WDFY3: variants seen among roughly 807,000 people sequenced by gnomAD.
WDFY3 encodes the protein WD repeat and FYVE domain-containing protein 3.
Under a neutral mutation model 409.6 loss-of-function variants are expected in WDFY3, and 66 were observed. The ratio of observed to expected loss-of-function variants is 0.16; its 90% CI spans 0.13 to 0.20. WDFY3 has a LOEUF of 0.20. WDFY3 is among the 10% of genes least tolerant of loss of function. The probability of loss-of-function intolerance (pLI) is 1.00; values close to 1 mark genes in which losing one functional copy is unlikely to be tolerated. For synonymous variants in WDFY3, 1,521 were observed against 1,537.1 expected, an observed-to-expected ratio of 0.99 and a Z score of 0.25; for missense variants, 3,031 against 4,298.1, an observed-to-expected ratio of 0.71 and a Z score of 8.24.
intron 42 of WDFY3, among the ~76,000 whole-genome samples, chr4:84,735,845 T>C (rs2149190279): frequency 6.6e-6 from 1 of 152,318 alleles, no homozygotes; most frequent in South Asian, 2.1e-4. Context: ...AAGGCTTGTT[T>C]GGCTATTGCC....
intron 2 of WDFY3, among the ~76,000 whole-genome samples, chr4:84,918,019 T>C (rs1250251198): frequency 6.6e-6 from 1 of 152,132 alleles, no homozygotes; most frequent in Non-Finnish European, 1.5e-5. Context: ...TTCTTTGCCC[T>C]TCAGATTGGC....
chr4:84,838,282 T>C (rs1054966431), intron 6 of WDFY3, among the ~76,000 whole-genome samples: 26 of 152,224 alleles, frequency 1.7e-4, no homozygotes, highest in Admixed American at 1.7e-3. Flanking sequence ...TGACTTCATT[T>C]GTAAAATGAT....
intron 3 of WDFY3, among the ~76,000 whole-genome samples, chr4:84,891,963 A>G (rs1765013174): frequency 6.6e-6 from 1 of 152,060 alleles, no homozygotes; most frequent in Non-Finnish European, 1.5e-5. Context: ...TGGAAGGTAC[A>G]GCACAGAATA....
intron 53 of WDFY3, among the ~76,000 whole-genome samples, chr4:84,708,551 T>C (rs927920904): frequency 6.6e-5 from 10 of 152,018 alleles, no homozygotes; most frequent in Non-Finnish European, 1.2e-4. Context: ...TTTTTTTCTT[T>C]GTGGAGACAG....
chr4:84,718,574 TA>T lies in WDFY3; in HGVS notation c.7606-5del, dbSNP rs1734337197. On this transcript the variant is annotated splice_region_variant and splice_polypyrimidine_tract_variant and intron_variant, in intron 47 of 67. Transcript: ENST00000295888. ...CACAGCGGTACATGTGTTGGATCTA[TA>T]AAGAAGCCCACAAACATTCATTAAT... 6.2e-7 allele frequency: 1 copy of T among 1,603,000 alleles called. No individual in the cohort carries two copies. Among genetic ancestry groups the T allele is most frequent in the African/African-American group, 1.3e-5 (1 of 74,286 alleles).
chr4:84,962,427 C>G lies in WDFY3; in HGVS notation c.-226+3782G>C, dbSNP rs114037318. Among the ~76,000 whole-genome samples the G allele has an allele frequency of 8.1e-3, 1,227 of 152,092 alleles. 12 individuals carry two copies. The highest frequency in any genetic ancestry group is 0.028 in the African/African-American group (1,151 of 41,472). On this transcript the variant is annotated intron_variant, in intron 1 of 67. Transcript: ENST00000295888. Reference sequence around the variant, plus strand: ...TAATGTATAATTCCATTTATATATGCCAGACGAGATAAAACTTTAAGAGCA... The same window carrying G: ...TAATGTATAATTCCATTTATATATGGCAGACGAGATAAAACTTTAAGAGCA...
chr4:84,800,003 C>T (rs1012161697), intron 17 of WDFY3, among the ~76,000 whole-genome samples: 5 of 152,214 alleles, frequency 3.3e-5, no homozygotes, highest in African/African-American at 9.6e-5. Flanking sequence ...CTGTGTGTTT[C>T]TCTACTTTTA....
intron 44 of WDFY3, among the ~76,000 whole-genome samples, chr4:84,728,760 T>G (rs898098275): frequency 1.3e-5 from 2 of 152,138 alleles, no homozygotes; most frequent in South Asian, 2.1e-4. Flanking sequence ...CGGTTCTTAT[T>G]TTACTAAAAG....
At chr4:84,913,072 T>C (rs1302889393) in intron 2 of WDFY3, among the ~76,000 whole-genome samples, 1 of 152,198 alleles carries the variant, frequency 6.6e-6, no homozygotes, top group Admixed American at 6.6e-5. Flanking sequence ...TGTTTGGTAT[T>C]GGACAATGCC....
At chr4:84,873,373 C>T in intron 3 of WDFY3, among the ~76,000 whole-genome samples, 1 of 152,224 alleles carries the variant, frequency 6.6e-6, no homozygotes, top group Non-Finnish European at 1.5e-5. Context: ...GGAAATTAAA[C>T]AACACACTTC....
At chr4:84,749,414 G>A (rs1184295654) in intron 36 of WDFY3, among the ~76,000 whole-genome samples, 2 of 151,978 alleles carry the variant, frequency 1.3e-5, no homozygotes, top group African/African-American at 4.8e-5. Context: ...CTATCTTCCT[G>A]TTTGGGAATT....
chr4:84,820,442 G>A (rs921290472), intron 11 of WDFY3, among the ~76,000 whole-genome samples: 2 of 151,954 alleles, frequency 1.3e-5, no homozygotes, highest in African/African-American at 4.8e-5. Context: ...AAAATGCAAA[G>A]GTTAAATATA....
chr4:84,763,028 A>G (rs908963479), intron 32 of WDFY3, among the ~76,000 whole-genome samples: 2 of 152,106 alleles, frequency 1.3e-5, no homozygotes, highest in Non-Finnish European at 2.9e-5. Flanking sequence ...AGGAAAATAG[A>G]TTTTGATTAC....
Position 84,733,623 on chromosome 4 carries a change from G to A in WDFY3, c.6994-14C>T. 2 of 1,589,592 alleles carry A rather than the reference G, an allele frequency of 1.3e-6. No homozygotes were observed. The highest frequency in any genetic ancestry group is 1.7e-6 in the Non-Finnish European group (2 of 1,167,506). On this transcript the variant is annotated splice_polypyrimidine_tract_variant and intron_variant, in intron 43 of 67. Transcript: ENST00000295888. ...ATTCTGCTGACGCTGACAGGAAAGA[G>A]TCCAGGTCGGTTTTCAAGCAAAAGC...
chr4:84,861,704 T>C (rs1249412329), intron 3 of WDFY3, among the ~76,000 whole-genome samples: 1 of 152,244 alleles, frequency 6.6e-6, no homozygotes, highest in Non-Finnish European at 1.5e-5. Context: ...TACTGTGTAC[T>C]GAATCATAAT....
chr4:84,676,564 T>C (rs763926957), intron 67 of WDFY3, among the ~76,000 whole-genome samples: 1 of 152,038 alleles, frequency 6.6e-6, no homozygotes, highest in Non-Finnish European at 1.5e-5. Context: ...GGGATGTGCA[T>C]TGTAGCATTA....
At chr4:84,758,180 T>C (rs1160107381) in intron 32 of WDFY3, among the ~76,000 whole-genome samples, 2 of 152,190 alleles carry the variant, frequency 1.3e-5, no homozygotes, top group Non-Finnish European at 1.5e-5. Context: ...CTTTTGTGAA[T>C]AGCAACTAAT....
chr4:84,815,342 T>TA, intron 13 of WDFY3, among the ~76,000 whole-genome samples: 1 of 152,278 alleles, frequency 6.6e-6, no homozygotes, highest in Middle Eastern at 3.4e-3. Context: ...CCTTTTCCCC[T>TA]AAAAGCTTCA....
intron 2 of WDFY3, among the ~76,000 whole-genome samples, chr4:84,902,400 A>C (rs1442839097): frequency 6.6e-6 from 1 of 152,228 alleles, no homozygotes; most frequent in African/African-American, 2.4e-5. Context: ...AGTTTTTTTA[A>C]AACCCAATAT....
Sources: allele counts gnomAD v4.1 joint callset (sites outside exome capture counted in the v4.1 genomes callset), GRCh38; gene constraint gnomAD v4.1.1; transcripts MANE v1.5; gene names NCBI Gene and HGNC (gene_info 2026-07-23, HGNC 2026-07-21).